Variants in EIF3K observed in about 807,000 individuals in gnomAD.
EIF3K encodes eIF-3 p28.
Under a neutral mutation model 34.2 loss-of-function variants are expected in EIF3K, and 27 were observed. The observed-to-expected ratio is 0.79, with a 90% CI of 0.58 to 1.09. EIF3K has a LOEUF of 1.09. EIF3K is among the 50% of genes least tolerant of loss of function. The probability of loss-of-function intolerance (pLI) is 0.00; values close to 1 mark genes in which losing one functional copy is unlikely to be tolerated. For synonymous variants in EIF3K, 105 were observed against 105.7 expected (o/e 0.99, Z 0.04); for missense variants, 232 against 275.4 (o/e 0.84, Z 1.11).
chr19:38,631,807 G>A (rs948238106), intron 4 of EIF3K, among the ~76,000 whole-genome samples: 4 of 152,284 alleles, frequency 2.6e-5, no homozygotes, highest in Middle Eastern at 3.4e-3. Flanking sequence ...GCGGTCTTCC[G>A]CAGTGTTTGT....
At position 38,626,025 on chromosome 19, in the gene EIF3K, C is replaced by T; in HGVS notation, c.280-3C>T. 1.9e-6 allele frequency: 3 copies of T among 1,614,190 alleles called. No homozygotes were observed. Among genetic ancestry groups the T allele is most frequent in the Non-Finnish European group, 1.7e-6 (2 of 1,180,028 alleles). ...AGTTTTCCTTAATGCTTCCTCCTCC[C>T]AGCAAGAAGAACGGCCAATCCGACA... is the stretch of plus-strand genomic sequence containing the variant. On this transcript the variant is annotated splice_polypyrimidine_tract_variant and splice_region_variant and intron_variant, in intron 3 of 7. Transcript: ENST00000248342.
At chr19:38,629,033 A>G (rs1976006215) in intron 4 of EIF3K, among the ~76,000 whole-genome samples, 1 of 151,964 alleles carries the variant, frequency 6.6e-6, no homozygotes, top group Non-Finnish European at 1.5e-5. Flanking sequence ...AGACCCTGAC[A>G]TTTTATGTGC....
chr19:38,624,055 C>T (rs745314549), intron 2 of EIF3K, 22 bp from the exon 3 acceptor site: 28 of 1,613,788 alleles, frequency 1.7e-5, no homozygotes, highest in Non-Finnish European at 2.3e-5. Flanking sequence ...ACTGTGGCCA[C>T]GTCTCTTGTT....
rs555896109 is a variant in EIF3K, at chr19:38,619,444, C to T, written c.59+117C>T. 7.7e-5 allele frequency: 88 copies of T among 1,145,222 alleles called. No homozygotes were observed. In the Admixed American group the frequency reaches 1.2e-3, roughly 15 times the overall value. 70.9% of individuals were successfully genotyped at this position (1,145,222 alleles called of 1,614,324 possible). On this transcript the variant is annotated intron_variant, in intron 1 of 7. Coordinates refer to ENST00000248342, the MANE Select transcript of EIF3K (RefSeq NM_013234.4). ...TGCCGCGGGGTGGGGTTTCTCTATC[C>T]TCCTGGAGGAGGAGATGCTTAAAGA...
intron 7 of EIF3K, among the ~76,000 whole-genome samples, chr19:38,636,438 G>A (rs1028532394): frequency 5.3e-5 from 8 of 152,174 alleles, no homozygotes; most frequent in South Asian, 4.2e-4. Flanking sequence ...AGCCAAGATC[G>A]CTCCACTGCA....
At chr19:38,636,665 C>CAAGT (rs1309619298) in intron 7 of EIF3K, among the ~76,000 whole-genome samples, 1 of 152,136 alleles carries the variant, frequency 6.6e-6, no homozygotes, top group African/African-American at 2.4e-5. Context: ...GTAACTTGTC[C>CAAGT]AAGTGACCCA....
chr19:38,625,668 C>T (rs1272091291), intron 3 of EIF3K, among the ~76,000 whole-genome samples: 1 of 151,308 alleles, frequency 6.6e-6, no homozygotes, highest in Non-Finnish European at 1.5e-5. Context: ...TGCCACCACA[C>T]CCAGCTGCTT....
At chr19:38,619,907 T>G (rs1186832302) in intron 1 of EIF3K, among the ~76,000 whole-genome samples, 1 of 151,988 alleles carries the variant, frequency 6.6e-6, no homozygotes, top group Non-Finnish European at 1.5e-5. Context: ...AGATTAGAAC[T>G]GAAATGGGGG....
At position 38,622,158 on chromosome 19, in the gene EIF3K, C is replaced by T. The variant is rs113525601; in HGVS notation, c.158+1723C>T. ...TCTTGCCCAGGCTAGAGTGCCTTGG[C>T]GTGATCTCATGATCTCAACTCAGTG... is the stretch of plus-strand genomic sequence containing the variant. On this transcript the variant is annotated intron_variant, in intron 2 of 7. Transcript: ENST00000248342. Among the ~76,000 whole-genome samples, 183 of 149,618 alleles carry T rather than the reference C, an allele frequency of 1.2e-3. 4 individuals carry two copies. The South Asian group carries it at 0.022, about 18-fold the overall frequency.
chr19:38,621,631 A>G (rs1975842488), intron 2 of EIF3K, among the ~76,000 whole-genome samples: 1 of 152,124 alleles, frequency 6.6e-6, no homozygotes, highest in Admixed American at 6.6e-5. Context: ...ATGGTTTACT[A>G]TGCATGCATA....
At chr19:38,634,181 C>A (rs1384154041) in intron 6 of EIF3K, among the ~76,000 whole-genome samples, 2 of 142,906 alleles carry the variant, frequency 1.4e-5, no homozygotes, top group African/African-American at 2.6e-5. Flanking sequence ...CTCACTGCAA[C>A]CTCCTCCTGG....
chr19:38,621,197 TAAA>T (rs34987023), intron 2 of EIF3K, among the ~76,000 whole-genome samples: 4,553 of 120,026 alleles, frequency 0.038, 99 homozygotes, highest in Admixed American at 0.071. Context: ...CCCCTCTTTT[TAAA>T]AAAAAAAAAA....
intron 4 of EIF3K, among the ~76,000 whole-genome samples, chr19:38,630,252 C>G (rs987080798): frequency 6.6e-6 from 1 of 150,724 alleles, no homozygotes; most frequent in Non-Finnish European, 1.5e-5. Context: ...CTCCCAGGTT[C>G]AAGTGATTCT....
At chr19:38,635,758 C>G (rs1224348087) in intron 7 of EIF3K, 1 of 152,460 alleles carries the variant, frequency 6.6e-6, no homozygotes, top group Non-Finnish European at 1.5e-5. Context: ...CGTCTACACA[C>G]ATGTAACTAA....
intron 6 of EIF3K, 78 bp downstream of exon 6, chr19:38,632,756 A>T: frequency 7.3e-7 from 1 of 1,364,990 alleles, no homozygotes; most frequent in Non-Finnish European, 1.0e-6. Flanking sequence ...AGCTCCTCCA[A>T]CAGGCCTGTC....
chr19:38,630,335 A>ATTTTT (rs1568655639), intron 4 of EIF3K, among the ~76,000 whole-genome samples: 2 of 142,604 alleles, frequency 1.4e-5, no homozygotes, highest in South Asian at 2.3e-4. Flanking sequence ...TTAATTATTT[A>ATTTTT]TTTATTTATT....
chr19:38,625,707 G>A (rs145311596), intron 3 of EIF3K, among the ~76,000 whole-genome samples: 5,140 of 151,280 alleles, frequency 0.034, 116 homozygotes, highest in Admixed American at 0.063. Flanking sequence ...ATGGGGTTTC[G>A]CTATGTTGGC....
rs1004739276 is a variant in EIF3K, at chr19:38,629,819, G to A, written c.355-2611G>A. On this transcript the variant is annotated intron_variant, in intron 4 of 7. Coordinates refer to ENST00000248342, the MANE Select transcript of EIF3K (RefSeq NM_013234.4). ...CAGCAGGGAAGCCCCTGTGGCTGGA[G>A]CAGGGTGAGTGAGTAGCGAGTAGGT... 5.3e-5 allele frequency among the ~76,000 whole-genome samples: 8 copies of A among 152,314 alleles called. No individual in the cohort carries two copies. In the East Asian group the frequency reaches 1.2e-3, roughly 22 times the overall value.
In EIF3K at chr19:38,626,204, G is replaced by A. The variant is rs759051937; in HGVS notation, c.354+102G>A. 25 of 1,080,080 alleles carry A rather than the reference G, an allele frequency of 2.3e-5. No homozygotes were observed. In the East Asian group the frequency reaches 3.1e-4, roughly 13 times the overall value. The allele number at this position is 1,080,080 out of a possible 1,614,324, so 66.9% of individuals were successfully genotyped here. A position where few individuals can be genotyped will look rare whatever the true frequency, so the allele number is the denominator to read the frequency against. On this transcript the variant is annotated intron_variant, in intron 4 of 7. Coordinates refer to ENST00000248342, the MANE Select transcript of EIF3K (RefSeq NM_013234.4). ...ACACTGACTGGCTTCCTGCTTTGGC[G>A]GTGGGCCCAGTGCTCTGCATGTGTG...
Sources: allele counts gnomAD v4.1 joint callset (sites outside exome capture counted in the v4.1 genomes callset), GRCh38; gene constraint gnomAD v4.1.1; transcripts MANE v1.5; gene names NCBI Gene and HGNC (gene_info 2026-07-23, HGNC 2026-07-21).